The following GATB variants were observed in gnomAD, a reference collection of about 807,000 sequenced individuals.
GATB encodes the protein glutamyl-tRNA(Gln) amidotransferase subunit B, mitochondrial.
Under a neutral mutation model 62.3 loss-of-function variants are expected in GATB, and 39 were observed. That is an observed-to-expected ratio of 0.63 (90% CI 0.48 to 0.82). The LOEUF is 0.82. GATB is among the 40% of genes least tolerant of loss of function. The pLI is 0.00. For synonymous variants in GATB, 276 were observed against 258.9 expected (o/e 1.07, Z -0.63); for missense variants, 670 against 684.0 (o/e 0.98, Z 0.23).
intron 10 of GATB, among the ~76,000 whole-genome samples, chr4:151,684,239 C>T (rs568385138): frequency 9.8e-5 from 15 of 152,366 alleles, no homozygotes; most frequent in African/African-American, 3.6e-4. Flanking sequence ...CTGGCTTGGA[C>T]AGCTGGATAG....
chr4:151,752,677 G>T (rs1235087204), intron 2 of GATB, among the ~76,000 whole-genome samples: 1 of 152,090 alleles, frequency 6.6e-6, no homozygotes, highest in African/African-American at 2.4e-5. Context: ...TCTCTCTGAG[G>T]ACATTTATAA....
chr4:151,759,259 T>A (rs1178013896), intron 1 of GATB, among the ~76,000 whole-genome samples: 1 of 152,216 alleles, frequency 6.6e-6, no homozygotes, highest in Non-Finnish European at 1.5e-5. Flanking sequence ...CTGACTTCAG[T>A]GAAAAGCGGC....
chr4:151,713,151 C>T (rs1288101033), intron 5 of GATB, among the ~76,000 whole-genome samples: 1 of 152,058 alleles, frequency 6.6e-6, no homozygotes, highest in Admixed American at 6.6e-5. Flanking sequence ...CACTGTCTCC[C>T]ATCACCCCCA....
At chr4:151,693,711 A>G (rs1447928602) in intron 9 of GATB, among the ~76,000 whole-genome samples, 9 of 152,150 alleles carry the variant, frequency 5.9e-5, no homozygotes, top group Admixed American at 5.9e-4. Flanking sequence ...AAGGCTTGGG[A>G]GCCCCTAAAA....
At chr4:151,697,326 T>G (rs1195560188) in intron 9 of GATB, among the ~76,000 whole-genome samples, 1 of 152,174 alleles carries the variant, frequency 6.6e-6, no homozygotes, top group Non-Finnish European at 1.5e-5. Flanking sequence ...TCATGTCTTT[T>G]GCAACATGGA....
intron 1 of GATB, among the ~76,000 whole-genome samples, 184 bp downstream of exon 1, chr4:151,760,623 T>C (rs1480745929): frequency 6.6e-6 from 1 of 152,184 alleles, no homozygotes; most frequent in Non-Finnish European, 1.5e-5. Context: ...GTGGTTTATA[T>C]ATGGGGGCGG....
intron 2 of GATB, among the ~76,000 whole-genome samples, chr4:151,756,282 T>C (rs991493762): frequency 1.3e-5 from 2 of 152,242 alleles, no homozygotes; most frequent in South Asian, 2.1e-4. Flanking sequence ...TGGTTTCTTA[T>C]GAATGGAGTT....
chr4:151,754,012 C>T (rs931509800), intron 2 of GATB, among the ~76,000 whole-genome samples: 27 of 152,166 alleles, frequency 1.8e-4, no homozygotes, highest in African/African-American at 6.3e-4. Flanking sequence ...TTAATAAATC[C>T]AATGGGCACT....
At chr4:151,705,150 G>A (rs199960945) in intron 7 of GATB, 35 bp downstream of exon 7, 49 of 1,490,572 alleles carry the variant, frequency 3.3e-5, no homozygotes, top group South Asian at 2.7e-4. Flanking sequence ...CACCACCCCC[G>A]GCTGTGGTCA....
intron 3 of GATB, 183 bp from the exon 4 acceptor site, chr4:151,717,257 T>A (rs1418801550): frequency 1.2e-5 from 7 of 602,500 alleles, no homozygotes; most frequent in Non-Finnish European, 1.8e-5. Flanking sequence ...CCTGGTCTCT[T>A]CTGCCCCTGC....
At position 151,760,868 on chromosome 4, in the gene GATB, T is replaced by C; in HGVS notation, c.115A>G (p.Ile39Val). ...GAPTGSTSNQIRGESSVAQQP... is the reference protein window; with the variant it reads ...GAPTGSTSNQVRGESSVAQQP... Reference sequence around the variant, plus strand: ...TGAGCCACTGAGCTCTCTCCCCTAATCTGGTTGGATGTGGACCCAGTCGGA... The same window carrying C: ...TGAGCCACTGAGCTCTCTCCCCTAACCTGGTTGGATGTGGACCCAGTCGGA... Residue 39 changes from isoleucine to valine, a missense_variant, in exon 1 of 13, where the codon ATT becomes GTT. By Grantham distance (29) the Ile-to-Val change is conservative. Transcript: ENST00000263985. 6.2e-7 allele frequency: 1 copy of C among 1,613,960 alleles called. No homozygotes were observed. The highest frequency in any genetic ancestry group is 8.5e-7 in the Non-Finnish European group (1 of 1,179,944).
chr4:151,716,728 T>C, intron 4 of GATB, 148 bp downstream of exon 4: 1 of 691,628 alleles, frequency 1.4e-6, no homozygotes, highest in Middle Eastern at 3.8e-4. Context: ...GCTATGCCAA[T>C]CCCAATGCTG....
At chr4:151,695,541 G>T (rs1421268943) in intron 9 of GATB, among the ~76,000 whole-genome samples, 1 of 152,080 alleles carries the variant, frequency 6.6e-6, no homozygotes, top group Non-Finnish European at 1.5e-5. Flanking sequence ...CACTCAACTC[G>T]GGATGCTCTG....
At position 151,693,801 on chromosome 4, in the gene GATB, C is replaced by T. The variant is rs1265099006; in HGVS notation, c.1198-5038G>A. On this transcript the variant is annotated intron_variant, in intron 9 of 12. Transcript: ENST00000263985. ...CTGGAAAGTAGACAGATCTTGAGTT[C>T]AACTCAGGCACCAGTTCCATTTAGG... Among the ~76,000 whole-genome samples, 4 of 152,204 alleles carry T rather than the reference C, an allele frequency of 2.6e-5. No homozygotes were observed. In the East Asian group the frequency reaches 7.7e-4, roughly 29 times the overall value.
intron 10 of GATB, among the ~76,000 whole-genome samples, chr4:151,682,865 A>G (rs1738169996): frequency 6.6e-6 from 1 of 152,104 alleles, no homozygotes; most frequent in East Asian, 1.9e-4. Flanking sequence ...CGGATTTCGC[A>G]GTGCCCCTAG....
intron 9 of GATB, among the ~76,000 whole-genome samples, chr4:151,692,300 A>G (rs143907038): frequency 6.6e-6 from 1 of 152,276 alleles, no homozygotes; most frequent in Non-Finnish European, 1.5e-5. Context: ...TGAGGAAGAA[A>G]AGGTCATGGT....
In GATB at chr4:151,731,853, GA is replaced by G. The variant is rs1739262560; in HGVS notation, c.328-12316del. 2.0e-5 allele frequency among the ~76,000 whole-genome samples: 3 copies of G among 151,432 alleles called. No individual in the cohort carries two copies. The South Asian group carries it at 6.4e-4, about 32-fold the overall frequency. On this transcript the variant is annotated intron_variant, in intron 2 of 12. Coordinates refer to ENST00000263985, the MANE Select transcript of GATB (RefSeq NM_004564.3). ...CCTCTGCCCGGCAGCCGCCCCATCT[GA>G]GAAGTGAGGAGCCCCTCCGCCCGGC...
At chr4:151,749,451 A>C in intron 2 of GATB, among the ~76,000 whole-genome samples, 1 of 150,316 alleles carries the variant, frequency 6.7e-6, no homozygotes. Context: ...ATAGGTGAGA[A>C]CTGAACAATA....
chr4:151,692,741 CA>C, intron 9 of GATB, among the ~76,000 whole-genome samples: 1 of 152,348 alleles, frequency 6.6e-6, no homozygotes, highest in South Asian at 2.1e-4. Flanking sequence ...CGAGCACACC[CA>C]GACCTGGACA....
Sources: gnomAD v4.1 joint callset for allele counts (sites outside exome capture counted in the v4.1 genomes callset) on GRCh38, gnomAD v4.1.1 for gene constraint, MANE v1.5 for transcripts, NCBI Gene and HGNC (gene_info 2026-07-23, HGNC 2026-07-21) for gene names.